NMNAT1: variants seen among roughly 807,000 people sequenced by gnomAD.
NMNAT1 encodes nicotinamide nucleotide adenylyltransferase 1, also known as nicotinamide/nicotinic acid mononucleotide adenylyltransferase 1.
In NMNAT1, 11 loss-of-function variants were observed where a neutral mutation model predicts 16.7. The ratio of observed to expected loss-of-function variants is 0.66; its 90% CI spans 0.41 to 1.09. The LOEUF (loss-of-function observed/expected upper bound fraction) is 1.09. Among genes scored for constraint, NMNAT1 ranks in the 50% least tolerant of loss-of-function variants. The pLI, the probability that NMNAT1 is intolerant of heterozygous loss-of-function variation, is 0.00. For missense variants in NMNAT1, 280 were observed against 332.3 expected (o/e 0.84, Z 1.22); for synonymous variants, 110 against 119.8 (o/e 0.92, Z 0.53).
chr1:9,970,689 C>CA (rs550486839), intron 1 of NMNAT1, among the ~76,000 whole-genome samples: 1,121 of 84,102 alleles, frequency 0.013, 8 homozygotes, highest in Non-Finnish European at 0.021. Flanking sequence ...ACTCCCGTCT[C>CA]AAAAAAAAAA....
At chr1:9,962,324 T>TA (rs1641433063) in intron 1 of NMNAT1, among the ~76,000 whole-genome samples, 1 of 151,172 alleles carries the variant, frequency 6.6e-6, no homozygotes, top group Non-Finnish European at 1.5e-5. Flanking sequence ...CTACTAAAAA[T>TA]ACAAAAAATT....
downstream of NMNAT1, among the ~76,000 whole-genome samples, chr1:9,990,498 C>T (rs953658467): frequency 1.3e-5 from 2 of 152,240 alleles, no homozygotes; most frequent in African/African-American, 4.8e-5. Flanking sequence ...AAACCTGCTT[C>T]TCCCTAAAGC....
intron 1 of NMNAT1, chr1:9,950,003 T>C (rs752194444): frequency 1.3e-5 from 2 of 152,132 alleles, no homozygotes; most frequent in African/African-American, 2.4e-5. Flanking sequence ...TTGGGGTGAA[T>C]TGGGTTATGA....
In NMNAT1 at chr1:9,972,043, C is replaced by A. The variant is rs1641700428; in HGVS notation, c.-31C>A. The A allele has an allele frequency of 8.9e-7, 1 of 1,125,778 alleles. No individual in the cohort carries two copies. The highest frequency in any genetic ancestry group is 1.4e-6 in the Non-Finnish European group (1 of 737,582). 69.7% of individuals were successfully genotyped at this position (1,125,778 alleles called of 1,614,324 possible). On this transcript the variant is annotated 5_prime_UTR_variant, in exon 2 of 5. Transcript: ENST00000377205. The stretch of plus-strand genomic sequence containing the variant: ...ACAACAAGGGAGGTGTCACAGTTTT[C>A]CATTTAGATCAACAACTTCAAGTTC...
chr1:9,975,807 T>C, intron 3 of NMNAT1, 32 bp downstream of exon 3: 1 of 1,535,382 alleles, frequency 6.5e-7, no homozygotes, highest in Non-Finnish European at 8.9e-7. Context: ...TTGTCAGTTC[T>C]GTGTAAATGG....
At chr1:9,981,303 C>G in intron 4 of NMNAT1, 133 bp downstream of exon 4, 1 of 1,371,702 alleles carries the variant, frequency 7.3e-7, no homozygotes, top group Non-Finnish European at 9.7e-7. Context: ...GGCATGATCT[C>G]AGCTCACTGC....
At chr1:9,981,361 A>T in intron 4 of NMNAT1, 191 bp downstream of exon 4, 1 of 818,328 alleles carries the variant, frequency 1.2e-6, no homozygotes, top group Non-Finnish European at 1.7e-6. Flanking sequence ...CAGCCTCCTG[A>T]GCAGCTGGGA....
intron 1 of NMNAT1, among the ~76,000 whole-genome samples, chr1:9,955,335 C>T (rs1486435618): frequency 2.1e-5 from 3 of 140,406 alleles, no homozygotes; most frequent in Non-Finnish European, 4.5e-5. Flanking sequence ...ACCCGGGAGG[C>T]GGAGGTTGCA....
chr1:9,981,141 A>T lies in NMNAT1; in HGVS notation c.410A>T (p.Gln137Leu), dbSNP rs200333003. 3.3e-5 allele frequency: 54 copies of T among 1,613,388 alleles called. No homozygotes were observed. Among genetic ancestry groups the T allele is most frequent in the Non-Finnish European group, 4.6e-5 (54 of 1,179,802 alleles). Residue 137 changes from glutamine (Q) to leucine (L), a missense_variant, in exon 4 of 5, where the codon CAA becomes CTA. By Grantham distance (113) the Gln-to-Leu change is moderately radical (BLOSUM62 -2). Coordinates refer to ENST00000377205, the MANE Select transcript of NMNAT1 (RefSeq NM_022787.4). ...TGGACTGAAACACAAGATTCTAGTC[A>T]AAAGAAATCCCTAGAGCCAAAAACA... Reference protein sequence around the residue: ...RKWTETQDSSQKKSLEPKTKA... With the variant: ...RKWTETQDSSLKKSLEPKTKA...
chr1:9,982,793 C>A lies in NMNAT1; in HGVS notation c.*92C>A. ...TGGGGAAAGAAGTTGTGATCTGTTG[C>A]CTAAACTAAAGCTTAAAAGTTTAGT... On this transcript the variant is annotated 3_prime_UTR_variant, in exon 5 of 5. Coordinates refer to ENST00000377205, the MANE Select transcript of NMNAT1 (RefSeq NM_022787.4). 7.5e-7 allele frequency: 1 copy of A among 1,330,628 alleles called. No homozygotes were observed. The highest frequency in any genetic ancestry group is 1.0e-6 in the Non-Finnish European group (1 of 976,414). The allele number at this position is 1,330,628 out of a possible 1,614,324, so 82.4% of individuals were successfully genotyped here. A position where few individuals can be genotyped will look rare whatever the true frequency, so the allele number is the denominator to read the frequency against.
At chr1:9,955,663 C>G (rs1226278345) in intron 1 of NMNAT1, among the ~76,000 whole-genome samples, 2 of 152,062 alleles carry the variant, frequency 1.3e-5, no homozygotes, top group African/African-American at 4.8e-5. Context: ...TAAAGATTCC[C>G]TTCACCTGAA....
intron 3 of NMNAT1, among the ~76,000 whole-genome samples, chr1:9,977,747 A>G (rs911659647): frequency 1.3e-5 from 2 of 151,988 alleles, no homozygotes; most frequent in Admixed American, 1.3e-4. Context: ...AATCCCAGCT[A>G]CTAGGGAGGC....
intron 1 of NMNAT1, among the ~76,000 whole-genome samples, chr1:9,954,517 C>T (rs1641204386): frequency 1.3e-5 from 2 of 152,156 alleles, no homozygotes; most frequent in Admixed American, 6.6e-5. Flanking sequence ...CCCTGTATCA[C>T]TTTTTGACTT....
At chr1:9,959,661 GACA>G (rs1326693928) in intron 1 of NMNAT1, among the ~76,000 whole-genome samples, 3 of 151,928 alleles carry the variant, frequency 2.0e-5, no homozygotes, top group Non-Finnish European at 2.9e-5. Flanking sequence ...CCAGCCTGGC[GACA>G]ACGAGACTCT....
intron 4 of NMNAT1, among the ~76,000 whole-genome samples, chr1:9,981,967 G>A (rs1641958866): frequency 6.6e-6 from 1 of 151,984 alleles, no homozygotes; most frequent in South Asian, 2.1e-4. Flanking sequence ...GAGTTCAAGT[G>A]ATTCTCCTGC....
chr1:9,952,039 C>A (rs772546923), intron 1 of NMNAT1, among the ~76,000 whole-genome samples: 13 of 152,082 alleles, frequency 8.5e-5, no homozygotes, highest in South Asian at 4.1e-4. Flanking sequence ...TGGCTCACGC[C>A]TGTAATCCCA....
At chr1:9,970,711 T>C (rs1641669884) in intron 1 of NMNAT1, among the ~76,000 whole-genome samples, 1 of 151,910 alleles carries the variant, frequency 6.6e-6, no homozygotes, top group African/African-American at 2.4e-5. Flanking sequence ...AAAGAAATTT[T>C]AATAAAAACC....
chr1:9,993,864 A>G, the NMNAT1 span, among the ~76,000 whole-genome samples: 1 of 152,160 alleles, frequency 6.6e-6, no homozygotes, highest in African/African-American at 2.4e-5. Flanking sequence ...CAAGTTTCAG[A>G]TGCCTTTAAG....
At chr1:9,971,517 T>G in intron 1 of NMNAT1, among the ~76,000 whole-genome samples, 1 of 152,056 alleles carries the variant, frequency 6.6e-6, no homozygotes, top group East Asian at 1.9e-4. Context: ...TTTTACCATG[T>G]TGGCCAGGAT....
Sources: allele counts gnomAD v4.1 joint callset (sites outside exome capture counted in the v4.1 genomes callset), GRCh38; gene constraint gnomAD v4.1.1; transcripts MANE v1.5; gene names NCBI Gene and HGNC (gene_info 2026-07-23, HGNC 2026-07-21).